RABGAP1L: variants seen among roughly 807,000 people sequenced by gnomAD.
RABGAP1L encodes the protein rab GTPase-activating protein 1-like.
RABGAP1L carries 63 observed loss-of-function variants against 137.7 expected under a neutral mutation model. That is an observed-to-expected ratio of 0.46 (90% CI 0.37 to 0.56). The LOEUF is 0.56. Ranked by LOEUF, RABGAP1L falls within the 20% of genes least tolerant of loss-of-function variation. The probability of loss-of-function intolerance (pLI) is 0.00; values close to 1 mark genes in which losing one functional copy is unlikely to be tolerated. For synonymous variants in RABGAP1L, 431 were observed against 433.7 expected (o/e 0.99, Z 0.08); for missense variants, 1,095 against 1,244.0 (o/e 0.88, Z 1.80).
intron 21 of RABGAP1L, among the ~76,000 whole-genome samples, chr1:174,974,557 C>G (rs966132451): frequency 2.0e-5 from 3 of 152,176 alleles, no homozygotes; most frequent in Non-Finnish European, 4.4e-5. Context: ...CAAGGTCTAC[C>G]TCTCATTTTA....
intron 10 of RABGAP1L, among the ~76,000 whole-genome samples, chr1:174,285,381 T>A (rs1041127201): frequency 6.6e-6 from 1 of 152,232 alleles, no homozygotes; most frequent in East Asian, 1.9e-4. Context: ...TGTAAGGGAT[T>A]TTTTTGTTTG....
intron 19 of RABGAP1L, among the ~76,000 whole-genome samples, chr1:174,872,699 C>T (rs1413679774): frequency 6.6e-6 from 1 of 151,920 alleles, no homozygotes; most frequent in East Asian, 1.9e-4. Context: ...TGCTACCATG[C>T]CTGGCTGATT....
At chr1:174,370,753 T>C (rs1034937177) in intron 11 of RABGAP1L, among the ~76,000 whole-genome samples, 3 of 151,924 alleles carry the variant, frequency 2.0e-5, no homozygotes, top group Non-Finnish European at 4.4e-5. Flanking sequence ...TTCAATTTCA[T>C]GTTATGTAAA....
chr1:174,174,388 T>G (rs1483972160), intron 1 of RABGAP1L, among the ~76,000 whole-genome samples: 2 of 152,156 alleles, frequency 1.3e-5, no homozygotes, highest in Non-Finnish European at 2.9e-5. Context: ...TCCTGTATAG[T>G]ATATATATTA....
chr1:174,273,076 T>C (rs1354153592), intron 8 of RABGAP1L, among the ~76,000 whole-genome samples: 2 of 152,016 alleles, frequency 1.3e-5, no homozygotes, highest in African/African-American at 4.8e-5. Flanking sequence ...AAACATTTAA[T>C]TTGTGATTTG....
At position 174,701,992 on chromosome 1, in the gene RABGAP1L, A is replaced by G. The variant is rs553067459; in HGVS notation, c.2026-121A>G. Reference sequence around the variant, plus strand: ...TTCTGTGCAGTTATACAAGACAACCAATACTAGAATAGAGTTACAGCGATC... The same window carrying G: ...TTCTGTGCAGTTATACAAGACAACCGATACTAGAATAGAGTTACAGCGATC... On this transcript the variant is annotated intron_variant, in intron 16 of 25. Coordinates refer to ENST00000681986, the MANE Select transcript of RABGAP1L (RefSeq NM_001366446.1). 120 of 823,498 alleles carry G rather than the reference A, an allele frequency of 1.5e-4. 1 individual carries two copies. The highest frequency in any genetic ancestry group is 2.0e-4 in the Non-Finnish European group (106 of 528,850). 51.0% of individuals were successfully genotyped at this position (823,498 alleles called of 1,614,324 possible).
At chr1:174,807,601 A>G (rs936507744) in intron 18 of RABGAP1L, among the ~76,000 whole-genome samples, 1 of 152,228 alleles carries the variant, frequency 6.6e-6, no homozygotes, top group Non-Finnish European at 1.5e-5. Flanking sequence ...TCGAAGATAG[A>G]AAATTGGAGG....
chr1:174,663,954 G>A (rs1023988806), intron 14 of RABGAP1L, among the ~76,000 whole-genome samples: 1 of 152,018 alleles, frequency 6.6e-6, no homozygotes, highest in Non-Finnish European at 1.5e-5. Context: ...GTGTTTCTAG[G>A]GACTCAGAGG....
chr1:174,911,922 C>T (rs890556632), intron 19 of RABGAP1L, among the ~76,000 whole-genome samples: 5 of 152,250 alleles, frequency 3.3e-5, no homozygotes, highest in South Asian at 2.1e-4. Context: ...ACATTTGTCA[C>T]GCAATAGGAA....
chr1:174,218,111 T>C (rs1669477036), intron 1 of RABGAP1L, among the ~76,000 whole-genome samples: 1 of 152,110 alleles, frequency 6.6e-6, no homozygotes, highest in Admixed American at 6.6e-5. Flanking sequence ...TGTGTAATAG[T>C]AGGGTTCTTT....
At chr1:174,280,048 G>GAGAGAGAGAGAGAGA (rs1675362368) in intron 10 of RABGAP1L, among the ~76,000 whole-genome samples, 2 of 125,254 alleles carry the variant, frequency 1.6e-5, no homozygotes, top group African/African-American at 5.9e-5. Flanking sequence ...CTGTCTGCCT[G>GAGAGAGAGAGAGAGA]GAGAGAGAGA....
chr1:174,482,897 A>T (rs1251848597), intron 13 of RABGAP1L, among the ~76,000 whole-genome samples: 1 of 152,230 alleles, frequency 6.6e-6, no homozygotes, highest in Admixed American at 6.5e-5. Context: ...AAGCTCAATA[A>T]GTATTGAATG....
At chr1:174,370,023 A>G (rs527445165) in intron 11 of RABGAP1L, among the ~76,000 whole-genome samples, 1 of 152,318 alleles carries the variant, frequency 6.6e-6, no homozygotes, top group East Asian at 1.9e-4. Flanking sequence ...CTGATGTTGC[A>G]TATACTTGGA....
intron 20 of RABGAP1L, chr1:174,958,218 A>G (rs1331920150): frequency 3.8e-6 from 5 of 1,300,766 alleles, no homozygotes; most frequent in Non-Finnish European, 5.1e-6. Flanking sequence ...ATTTATTTCC[A>G]CAAATGAATT....
chr1:174,917,488 A>G (rs2149215926), intron 19 of RABGAP1L, among the ~76,000 whole-genome samples: 1 of 152,304 alleles, frequency 6.6e-6, no homozygotes, highest in East Asian at 1.9e-4. Context: ...AGCTGGTGGA[A>G]GGGGAGGCAG....
intron 18 of RABGAP1L, among the ~76,000 whole-genome samples, chr1:174,767,742 C>T (rs1007564219): frequency 1.3e-5 from 2 of 151,956 alleles, no homozygotes; most frequent in African/African-American, 4.8e-5. Context: ...TACAAGATGT[C>T]ATTGTATTAG....
chr1:174,565,421 G>A (rs1361793822), intron 13 of RABGAP1L, among the ~76,000 whole-genome samples: 3 of 152,032 alleles, frequency 2.0e-5, no homozygotes, highest in Non-Finnish European at 1.5e-5. Context: ...TAACTTCATT[G>A]CAGTATTCTC....
intron 9 of RABGAP1L, among the ~76,000 whole-genome samples, chr1:174,276,742 A>T (rs1392040739): frequency 6.6e-6 from 1 of 151,984 alleles, no homozygotes; most frequent in Non-Finnish European, 1.5e-5. Flanking sequence ...TTAACTTTTC[A>T]TATTATTTAT....
chr1:174,265,952 G>C (rs2148644404), intron 7 of RABGAP1L, among the ~76,000 whole-genome samples: 1 of 152,128 alleles, frequency 6.6e-6, no homozygotes, highest in South Asian at 2.1e-4. Context: ...GGAAATCTAA[G>C]ATAGATAGTT....
Sources: gnomAD v4.1 joint callset for allele counts (sites outside exome capture counted in the v4.1 genomes callset) on GRCh38, gnomAD v4.1.1 for gene constraint, MANE v1.5 for transcripts, NCBI Gene and HGNC (gene_info 2026-07-23, HGNC 2026-07-21) for gene names.